Variants in LCP1 observed in about 807,000 individuals in gnomAD.
LCP1 encodes lymphocyte cytosolic protein 1, also known as plastin-2.
A neutral mutation model predicts 72.0 loss-of-function variants in LCP1; 23 were observed. The ratio of observed to expected loss-of-function variants is 0.32; its 90% CI spans 0.23 to 0.45. The LOEUF (loss-of-function observed/expected upper bound fraction) is 0.45, where lower values mean the gene tolerates loss of function less well. Among genes scored for constraint, LCP1 ranks in the 20% least tolerant of loss-of-function variants. LCP1 has a pLI of 1.00. For synonymous variants in LCP1, 245 were observed against 275.4 expected, an observed-to-expected ratio of 0.89 and a Z score of 1.09; for missense variants, 571 against 748.3, an observed-to-expected ratio of 0.76 and a Z score of 2.76.
At chr13:46,137,915 C>T (rs2045674369) in intron 13 of LCP1, among the ~76,000 whole-genome samples, 1 of 152,224 alleles carries the variant, frequency 6.6e-6, no homozygotes, top group Admixed American at 6.5e-5. Context: ...CCTTCCAACA[C>T]TTGTTTTACT....
intron 13 of LCP1, among the ~76,000 whole-genome samples, chr13:46,141,405 CAAAAAAAAA>C (rs762462829): frequency 1.9e-5 from 1 of 52,344 alleles, no homozygotes; most frequent in Non-Finnish European, 3.3e-5. Flanking sequence ...GACTCTGTCT[CAAAAAAAAA>C]AAAAAAAAAA....
intron 4 of LCP1, among the ~76,000 whole-genome samples, chr13:46,158,056 G>A (rs1370516604): frequency 6.6e-6 from 1 of 152,098 alleles, no homozygotes; most frequent in Admixed American, 6.5e-5. Context: ...ATCAACTAAC[G>A]TTTTGAATAA....
At chr13:46,175,603 C>T (rs10083291) in intron 1 of LCP1, among the ~76,000 whole-genome samples, 23,732 of 151,844 alleles carry the variant, frequency 0.16, 5,087 homozygotes, top group African/African-American at 0.49. Flanking sequence ...ACTGTGTGAA[C>T]ATCACCAGGT....
intron 1 of LCP1, among the ~76,000 whole-genome samples, chr13:46,175,806 G>A (rs993562201): frequency 6.6e-6 from 1 of 152,134 alleles, no homozygotes; most frequent in Non-Finnish European, 1.5e-5. Context: ...AAACAGTGGG[G>A]GAAGTTCAGT....
At chr13:46,147,211 T>G (rs2045736591) in intron 9 of LCP1, 108 bp from the exon 10 acceptor site, 1 of 963,790 alleles carries the variant, frequency 1.0e-6, no homozygotes, top group African/African-American at 1.7e-5. Context: ...TTAGTGTTTA[T>G]CTCAGGCAGA....
chr13:46,156,805 C>T (rs2045804137), intron 4 of LCP1, among the ~76,000 whole-genome samples: 1 of 151,636 alleles, frequency 6.6e-6, no homozygotes. Context: ...TAAAAACTAT[C>T]TCTCTGTTTC....
intron 1 of LCP1, among the ~76,000 whole-genome samples, chr13:46,167,435 A>C (rs1446367833): frequency 6.6e-6 from 1 of 152,226 alleles, no homozygotes; most frequent in East Asian, 1.9e-4. Context: ...CAATCCCATT[A>C]AGGGTGTGAC....
intron 1 of LCP1, chr13:46,168,457 T>G (rs1158246816): frequency 6.6e-6 from 1 of 152,248 alleles, no homozygotes; most frequent in Non-Finnish European, 1.5e-5. Context: ...GTGTTCCTGC[T>G]CTTACCTCAG....
intron 1 of LCP1, among the ~76,000 whole-genome samples, chr13:46,180,842 A>T (rs373709304): frequency 5.3e-5 from 8 of 152,330 alleles, no homozygotes; most frequent in Admixed American, 3.9e-4. Context: ...AAGACACAAC[A>T]TATTTTTAGT....
chr13:46,143,866 A>G (rs767620107), intron 11 of LCP1, among the ~76,000 whole-genome samples: 1 of 152,206 alleles, frequency 6.6e-6, no homozygotes, highest in Non-Finnish European at 1.5e-5. Flanking sequence ...AGAGATCAAG[A>G]CCATCCTGGC....
intron 6 of LCP1, among the ~76,000 whole-genome samples, chr13:46,153,434 C>T (rs371936324): frequency 3.9e-5 from 6 of 152,134 alleles, no homozygotes; most frequent in East Asian, 1.9e-4. Context: ...GGCACGGTGG[C>T]TCATGCCCAT....
At chr13:46,167,342 C>A (rs2045882149) in intron 1 of LCP1, among the ~76,000 whole-genome samples, 2 of 152,214 alleles carry the variant, frequency 1.3e-5, no homozygotes, top group Admixed American at 1.3e-4. Flanking sequence ...CAGAGCCTGG[C>A]TCTGTCGCCA....
rs7985459 is a variant in LCP1 at position 46,152,728 on chromosome 13, C to T, written c.739+52G>A. 5.0e-3 allele frequency: 7,941 copies of T among 1,575,328 alleles called. 339 individuals are homozygous for T. The African/African-American group carries it at 0.092, about 18-fold the overall frequency. The stretch of plus-strand genomic sequence containing the variant: ...CATCTTCCTCCTACAGTCCCCAACG[C>T]GTAAGTTATTAGAAAGCTGTGTCAT... On this transcript the variant is annotated intron_variant, in intron 7 of 15. Coordinates refer to ENST00000323076, the MANE Select transcript of LCP1 (RefSeq NM_002298.5).
chr13:46,158,430 G>T, intron 4 of LCP1, 92 bp downstream of exon 4: 1 of 1,437,246 alleles, frequency 7.0e-7, no homozygotes, highest in Non-Finnish European at 9.5e-7. Context: ...AGCTGTGTTT[G>T]CTTCTGTCTT....
chr13:46,143,411 A>G lies in LCP1; in HGVS notation c.1254-7T>C, dbSNP rs2045710003. The G allele has an allele frequency of 6.3e-7, 1 of 1,586,418 alleles. No homozygotes were observed. The highest frequency in any genetic ancestry group is 8.7e-7 in the Non-Finnish European group (1 of 1,155,186). On this transcript the variant is annotated splice_region_variant and splice_polypyrimidine_tract_variant and intron_variant, in intron 11 of 15. Coordinates refer to ENST00000323076, the MANE Select transcript of LCP1 (RefSeq NM_002298.5). ...CAGGGCATCTGATAAGTCACTGAAC[A>G]AAACAAACACAAAAGGATTCTCAGA...
intron 1 of LCP1, among the ~76,000 whole-genome samples, chr13:46,175,572 G>A (rs748425249): frequency 2.6e-5 from 4 of 152,052 alleles, no homozygotes; most frequent in Non-Finnish European, 4.4e-5. Flanking sequence ...ACAGTAGGGT[G>A]GGTACGGAGG....
At chr13:46,143,491 T>C in intron 11 of LCP1, 87 bp from the exon 12 acceptor site, 1 of 840,518 alleles carries the variant, frequency 1.2e-6, no homozygotes. Context: ...TACATATTAG[T>C]TCAAAGAATA....
intron 15 of LCP1, among the ~76,000 whole-genome samples, chr13:46,128,411 A>G (rs145097538): frequency 0.028 from 4,281 of 152,282 alleles, 212 homozygotes; most frequent in African/African-American, 0.096. Flanking sequence ...ATCCTGGCCA[A>G]CATGGTGAAA....
At chr13:46,180,613 C>A (rs1224935715) in intron 1 of LCP1, among the ~76,000 whole-genome samples, 1 of 152,188 alleles carries the variant, frequency 6.6e-6, no homozygotes, top group African/African-American at 2.4e-5. Flanking sequence ...AGATTTTTCC[C>A]CTGATGTTCC....
Sources: allele counts gnomAD v4.1 joint callset (sites outside exome capture counted in the v4.1 genomes callset), GRCh38; gene constraint gnomAD v4.1.1; transcripts MANE v1.5; gene names NCBI Gene and HGNC (gene_info 2026-07-23, HGNC 2026-07-21).